Variants in ADAMTSL3 observed in about 807,000 individuals in gnomAD.
ADAMTSL3 encodes the protein ADAMTS-like protein 3.
A neutral mutation model predicts 201.7 loss-of-function variants in ADAMTSL3; 128 were observed. The observed-to-expected ratio is 0.63, with a 90% confidence interval of 0.55 to 0.73. ADAMTSL3 has a LOEUF of 0.73. ADAMTSL3 is among the 30% of genes least tolerant of loss of function. The pLI, the probability that ADAMTSL3 is intolerant of heterozygous loss-of-function variation, is 0.00. For missense variants in ADAMTSL3, 1,990 were observed against 2,119.6 expected (o/e 0.94, Z 1.20); for synonymous variants, 738 against 748.4 (o/e 0.99, Z 0.23).
intron 20 of ADAMTSL3, among the ~76,000 whole-genome samples, chr15:83,976,087 T>A (rs7171383): frequency 0.33 from 50,571 of 151,960 alleles, 9,031 homozygotes; most frequent in East Asian, 0.57. Context: ...TGATGAGAGT[T>A]GGGAGCTATA....
chr15:83,762,390 T>G (rs2062822403), intron 3 of ADAMTSL3, among the ~76,000 whole-genome samples: 1 of 152,214 alleles, frequency 6.6e-6, no homozygotes, highest in Non-Finnish European at 1.5e-5. Flanking sequence ...CAATTTGTGC[T>G]GCTATAATGA....
At chr15:83,967,969 T>C (rs1164867256) in intron 19 of ADAMTSL3, among the ~76,000 whole-genome samples, 1 of 152,208 alleles carries the variant, frequency 6.6e-6, no homozygotes, top group Non-Finnish European at 1.5e-5. Flanking sequence ...TTGGGATAAC[T>C]GGCTATCCAT....
At chr15:83,745,943 C>T (rs576254577) in intron 3 of ADAMTSL3, among the ~76,000 whole-genome samples, 20 of 152,270 alleles carry the variant, frequency 1.3e-4, no homozygotes, top group Middle Eastern at 3.4e-3. Context: ...AATTCCACAA[C>T]AACCCTCTAT....
At chr15:83,880,208 A>G (rs1309385747) in intron 9 of ADAMTSL3, among the ~76,000 whole-genome samples, 1 of 151,998 alleles carries the variant, frequency 6.6e-6, no homozygotes, top group African/African-American at 2.4e-5. Flanking sequence ...TTATCTCTTC[A>G]GATTAACTTC....
chr15:83,838,465 C>G (rs1031705733), intron 7 of ADAMTSL3, among the ~76,000 whole-genome samples: 7 of 152,158 alleles, frequency 4.6e-5, no homozygotes, highest in African/African-American at 1.7e-4. Context: ...AATATATTTG[C>G]CAATTTTTCA....
chr15:83,663,436 T>C (rs1406133418), intron 2 of ADAMTSL3, among the ~76,000 whole-genome samples: 1 of 152,236 alleles, frequency 6.6e-6, no homozygotes, highest in Non-Finnish European at 1.5e-5. Context: ...ATTGAATATT[T>C]GGGTTGCTTC....
At chr15:83,865,554 A>C (rs891231297) in intron 8 of ADAMTSL3, among the ~76,000 whole-genome samples, 5 of 152,230 alleles carry the variant, frequency 3.3e-5, no homozygotes, top group African/African-American at 9.6e-5. Context: ...AAAACTGGCT[A>C]GCCATATGTA....
chr15:83,898,509 A>G (rs1255868989), intron 14 of ADAMTSL3, among the ~76,000 whole-genome samples: 9 of 152,162 alleles, frequency 5.9e-5, no homozygotes, highest in Admixed American at 2.0e-4. Flanking sequence ...TATCATGTGT[A>G]CTAATGCATG....
intron 19 of ADAMTSL3, among the ~76,000 whole-genome samples, chr15:83,960,760 T>A (rs2142092644): frequency 6.6e-6 from 1 of 152,234 alleles, no homozygotes; most frequent in South Asian, 2.1e-4. Context: ...AAATAAGAGA[T>A]TTGGTGACAG....
chr15:83,661,521 G>A (rs957236413), intron 2 of ADAMTSL3, among the ~76,000 whole-genome samples: 2 of 151,974 alleles, frequency 1.3e-5, no homozygotes, highest in African/African-American at 4.8e-5. Flanking sequence ...TGGATTCCTA[G>A]GTATTTTATT....
At chr15:84,015,988 A>T (rs981511593) in intron 24 of ADAMTSL3, among the ~76,000 whole-genome samples, 1 of 152,012 alleles carries the variant, frequency 6.6e-6, no homozygotes, top group Admixed American at 6.6e-5. Context: ...AAAAGCCCGT[A>T]CTCCTCACCA....
intron 17 of ADAMTSL3, among the ~76,000 whole-genome samples, chr15:83,941,761 G>C (rs2066564924): frequency 1.3e-5 from 2 of 152,090 alleles, no homozygotes; most frequent in South Asian, 4.1e-4. Flanking sequence ...CACTACCCTG[G>C]AGCCAGCATC....
At chr15:84,036,358 T>G (rs17158441) in intron 28 of ADAMTSL3, among the ~76,000 whole-genome samples, 26,314 of 152,100 alleles carry the variant, frequency 0.17, 4,197 homozygotes, top group East Asian at 0.4. Flanking sequence ...CGCAGTATGT[T>G]TTGAGCGCTT....
chr15:83,679,675 G>A (rs2061451776), intron 2 of ADAMTSL3, among the ~76,000 whole-genome samples: 1 of 152,100 alleles, frequency 6.6e-6, no homozygotes, highest in South Asian at 2.1e-4. Flanking sequence ...TGTGTGAGTT[G>A]GTTAGGGGTC....
rs76745332 is a variant in ADAMTSL3, at chr15:84,014,148, G to A, written c.3974-394G>A. 5.5e-4 allele frequency among the ~76,000 whole-genome samples: 83 copies of A among 152,270 alleles called. No individual in the cohort carries two copies. In the East Asian group the frequency reaches 0.011, roughly 20 times the overall value. ...TTATGTTTTCCAAAGACTTCCTTGT[G>A]ACAACCTACCCCCTGGGAGTTTCTC... On this transcript the variant is annotated intron_variant, in intron 23 of 29. Transcript: ENST00000286744.
At chr15:83,698,949 T>C (rs2061727017) in intron 2 of ADAMTSL3, among the ~76,000 whole-genome samples, 1 of 152,032 alleles carries the variant, frequency 6.6e-6, no homozygotes, top group South Asian at 2.1e-4. Flanking sequence ...TTTATTCTAC[T>C]CTAATTGATG....
chr15:83,866,643 A>G (rs1293233383), intron 8 of ADAMTSL3, among the ~76,000 whole-genome samples: 9 of 152,144 alleles, frequency 5.9e-5, no homozygotes, highest in Non-Finnish European at 1.2e-4. Context: ...TAGCATTAGG[A>G]GATATACCTC....
intron 16 of ADAMTSL3, among the ~76,000 whole-genome samples, chr15:83,913,959 G>T (rs2065983046): frequency 6.6e-6 from 1 of 152,198 alleles, no homozygotes; most frequent in Non-Finnish European, 1.5e-5. Flanking sequence ...TACAATCTAG[G>T]ATCCAAAAGG....
chr15:83,889,357 C>T (rs147204679), intron 10 of ADAMTSL3, among the ~76,000 whole-genome samples: 56 of 152,190 alleles, frequency 3.7e-4, no homozygotes, highest in African/African-American at 1.3e-3. Flanking sequence ...GAGTAAAATG[C>T]GGTACTGTGT....
Sources: allele counts gnomAD v4.1 joint callset (sites outside exome capture counted in the v4.1 genomes callset), GRCh38; gene constraint gnomAD v4.1.1; transcripts MANE v1.5; gene names NCBI Gene and HGNC (gene_info 2026-07-23, HGNC 2026-07-21).